Variants in MYOF observed in about 807,000 individuals in gnomAD.
The protein encoded by MYOF is fer-1-like 3, myoferlin.
A neutral mutation model predicts 284.2 loss-of-function variants in MYOF; 244 were observed. The observed-to-expected ratio is 0.86, with a 90% CI of 0.77 to 0.95. The LOEUF (loss-of-function observed/expected upper bound fraction) is 0.95. Ranked by LOEUF, MYOF falls within the 40% of genes least tolerant of loss-of-function variation. The pLI is 0.00. For synonymous variants in MYOF, 904 were observed against 919.7 expected (o/e 0.98, Z 0.31); for missense variants, 2,496 against 2,560.6 (o/e 0.97, Z 0.54).
chr10:93,449,287 C>T (rs2056524418), intron 3 of MYOF, among the ~76,000 whole-genome samples: 1 of 152,340 alleles, frequency 6.6e-6, no homozygotes, highest in South Asian at 2.1e-4. Context: ...ATTGATTTCA[C>T]CCATTTCTTC....
chr10:93,402,356 G>C lies in MYOF; in HGVS notation c.875-9C>G, dbSNP rs2272177. 0.2 allele frequency: 320,651 copies of C among 1,601,786 alleles called. 37,871 individuals are homozygous for C. The highest frequency in any genetic ancestry group is 0.67 in the East Asian group (29,824 of 44,784). On this transcript the variant is annotated splice_polypyrimidine_tract_variant and intron_variant, in intron 10 of 53. Coordinates refer to ENST00000359263, the MANE Select transcript of MYOF (RefSeq NM_013451.4). ...TCTCATGACAGCATGGCCTAAAATAGAGAAGGAGTAAAAGGAAATGGACAT... is the reference window on the plus strand; with the variant it reads ...TCTCATGACAGCATGGCCTAAAATACAGAAGGAGTAAAAGGAAATGGACAT...
At chr10:93,310,403 C>T in intron 52 of MYOF, 131 bp downstream of exon 52, 2 of 1,023,008 alleles carry the variant, frequency 2.0e-6, no homozygotes, top group Non-Finnish European at 2.8e-6. Flanking sequence ...AACCTCTCCA[C>T]CCCCACCCAC....
In MYOF at chr10:93,351,591, C is replaced by T. The variant is rs779355803; in HGVS notation, c.3664-20G>A. On this transcript the variant is annotated intron_variant, in intron 33 of 53. Transcript: ENST00000359263. ...TTTGCCCTAGAGAAACAAAGTGATC[C>T]TTAAATTCCCCGACAATCATCCCTT... 7 of 1,612,126 alleles carry T rather than the reference C, an allele frequency of 4.3e-6. No individual in the cohort carries two copies. In the Admixed American group the frequency reaches 1.2e-4, roughly 27 times the overall value.
rs373326964 is a variant in MYOF at position 93,362,228 on chromosome 10, G to A, written c.2869-671C>T. On this transcript the variant is annotated intron_variant, in intron 27 of 53. Coordinates refer to ENST00000359263, the MANE Select transcript of MYOF (RefSeq NM_013451.4). ...CTCCCAAAGTGCTGGGATTACAGGC[G>A]TGAGCAACCACACCTGGCCTGTTTT... Among the ~76,000 whole-genome samples, 16 of 149,476 alleles carry A rather than the reference G, an allele frequency of 1.1e-4. 1 individual carries two copies. The highest frequency in any genetic ancestry group is 3.9e-4 in the African/African-American group (16 of 40,738).
At chr10:93,326,261 C>A (rs983853514) in intron 45 of MYOF, among the ~76,000 whole-genome samples, 31 of 152,206 alleles carry the variant, frequency 2.0e-4, no homozygotes, top group South Asian at 4.1e-4. Context: ...TCATGGCCTG[C>A]CTGTTTCTCA....
At chr10:93,354,286 G>A (rs1018557389) in intron 31 of MYOF, among the ~76,000 whole-genome samples, 1 of 152,276 alleles carries the variant, frequency 6.6e-6, no homozygotes, top group African/African-American at 2.4e-5. Context: ...GCTGAGGCAC[G>A]AGAATCACTT....
chr10:93,412,763 G>T (rs1847952364), intron 5 of MYOF, among the ~76,000 whole-genome samples: 1 of 152,150 alleles, frequency 6.6e-6, no homozygotes, highest in South Asian at 2.1e-4. Context: ...AAATGGGAAG[G>T]GGAACAGGAT....
At chr10:93,470,258 G>GAAAC (rs1047550434) in intron 1 of MYOF, among the ~76,000 whole-genome samples, 4 of 149,820 alleles carry the variant, frequency 2.7e-5, no homozygotes, top group African/African-American at 7.4e-5. Context: ...AACAAAGAAA[G>GAAAC]AAAGAAAGAA....
chr10:93,443,261 T>C (rs1443329157), intron 3 of MYOF, among the ~76,000 whole-genome samples: 1 of 152,210 alleles, frequency 6.6e-6, no homozygotes, highest in Non-Finnish European at 1.5e-5. Flanking sequence ...GTTTTCTACC[T>C]ACATTAGGGA....
chr10:93,307,193 CCCG>C (rs1189476969), intron 53 of MYOF, among the ~76,000 whole-genome samples, 192 bp from the exon 54 acceptor site: 1 of 120,212 alleles, frequency 8.3e-6, no homozygotes, highest in Non-Finnish European at 2.0e-5. Flanking sequence ...GTAGCACCCC[CCCG>C]CCAAGTTGTT....
At chr10:93,384,647 A>G (rs757889544) in intron 19 of MYOF, among the ~76,000 whole-genome samples, 10 of 10,252 alleles carry the variant, frequency 9.8e-4, no homozygotes, top group Non-Finnish European at 2.9e-3. Context: ...TCTGTCTCAG[A>G]AAAAAAAAAA....
At chr10:93,383,942 G>A (rs1404615079) in intron 19 of MYOF, among the ~76,000 whole-genome samples, 3 of 152,124 alleles carry the variant, frequency 2.0e-5, no homozygotes, top group East Asian at 3.9e-4. Flanking sequence ...AGAACCCCAT[G>A]GATGCTCTCA....
At chr10:93,465,924 G>A (rs2057000467) in intron 1 of MYOF, among the ~76,000 whole-genome samples, 1 of 152,228 alleles carries the variant, frequency 6.6e-6, no homozygotes, top group African/African-American at 2.4e-5. Flanking sequence ...GAAGTGCCCT[G>A]TGAGGCTGGG....
At chr10:93,309,392 G>A (rs1318729145) in intron 53 of MYOF, among the ~76,000 whole-genome samples, 1 of 152,166 alleles carries the variant, frequency 6.6e-6, no homozygotes, top group Non-Finnish European at 1.5e-5. Context: ...TAGGCAAGCT[G>A]CCAAATCTCC....
Position 93,340,208 on chromosome 10 carries a change from A to T in MYOF, c.4327-44T>A, listed in dbSNP as rs111875089. On this transcript the variant is annotated intron_variant, in intron 38 of 53. Transcript: ENST00000359263. The stretch of plus-strand genomic sequence containing the variant: ...CGTGAGGAAGAGGGCAAACCATATA[A>T]CAGGTCACATAGATATGGAGACCCC... 3,336 of 1,611,198 alleles carry T rather than the reference A, an allele frequency of 2.1e-3. 47 individuals carry two copies. The African/African-American group carries it at 0.028, about 14-fold the overall frequency.
chr10:93,337,290 T>C (rs1431940159), intron 40 of MYOF, among the ~76,000 whole-genome samples: 7 of 151,828 alleles, frequency 4.6e-5, no homozygotes, highest in Admixed American at 4.6e-4. Context: ...AATTAGAAAA[T>C]TCAAAACATG....
chr10:93,359,800 C>T lies in MYOF; in HGVS notation c.3120+33G>A, dbSNP rs369359820. 5 of 1,612,494 alleles carry T rather than the reference C, an allele frequency of 3.1e-6. No homozygotes were observed. The African/African-American group carries it at 5.3e-5, about 17-fold the overall frequency. ...CTTTGTAGTCAGGAGGGCAGAGCTC[C>T]CCAGTCCAGCTCCCTTCCCTTGCTT... On this transcript the variant is annotated intron_variant, in intron 29 of 53. Coordinates refer to ENST00000359263, the MANE Select transcript of MYOF (RefSeq NM_013451.4).
Position 93,399,378 on chromosome 10 carries a change from G to T in MYOF, c.1221+14C>A, listed in dbSNP as rs768858728. Reference sequence around the variant, plus strand: ...TTATTACTAGCAGCATCTGCATTTAGATCATGTACAAACCTTTTTTCCAGC... The same window carrying T: ...TTATTACTAGCAGCATCTGCATTTATATCATGTACAAACCTTTTTTCCAGC... On this transcript the variant is annotated intron_variant, in intron 13 of 53. Transcript: ENST00000359263. 1.9e-6 allele frequency: 3 copies of T among 1,572,562 alleles called. No homozygotes were observed. The highest frequency in any genetic ancestry group is 1.1e-5 in the South Asian group (1 of 89,572).
chr10:93,443,078 C>G (rs1298365965), intron 3 of MYOF, among the ~76,000 whole-genome samples: 2 of 148,236 alleles, frequency 1.3e-5, no homozygotes. Context: ...AGGAGAATCA[C>G]TTGAACCCGG....
Sources: allele counts gnomAD v4.1 joint callset (sites outside exome capture counted in the v4.1 genomes callset), GRCh38; gene constraint gnomAD v4.1.1; transcripts MANE v1.5; gene names NCBI Gene and HGNC (gene_info 2026-07-23, HGNC 2026-07-21).